TMEM74: variants seen among roughly 807,000 people sequenced by gnomAD.
The protein encoded by TMEM74 is transmembrane protein 74.
Under a neutral mutation model 18.1 loss-of-function variants are expected in TMEM74, and 13 were observed. The ratio of observed to expected loss-of-function variants is 0.72; its 90% CI spans 0.47 to 1.14. The LOEUF (loss-of-function observed/expected upper bound fraction) is 1.14, where lower values mean the gene tolerates loss of function less well. TMEM74 is among the 50% of genes most tolerant of loss of function. The pLI, the probability that TMEM74 is intolerant of heterozygous loss-of-function variation, is 0.00. For synonymous variants in TMEM74, 159 were observed against 146.6 expected (o/e 1.08, Z -0.61); for missense variants, 372 against 375.9 (o/e 0.99, Z 0.09).
intron 1 of TMEM74, among the ~76,000 whole-genome samples, chr8:108,760,501 T>C (rs951588329): frequency 6.6e-6 from 1 of 152,056 alleles, no homozygotes; most frequent in Non-Finnish European, 1.5e-5. Context: ...ATGCATCTAT[T>C]GGCAGGAGTG....
intron 1 of TMEM74, among the ~76,000 whole-genome samples, chr8:108,718,634 GAC>G (rs1395111210): frequency 6.6e-6 from 1 of 152,154 alleles, no homozygotes; most frequent in Non-Finnish European, 1.5e-5. Context: ...ATGTGGGTGG[GAC>G]CTGAGTCCTG....
At chr8:108,718,819 T>C (rs1813555694) in intron 1 of TMEM74, among the ~76,000 whole-genome samples, 1 of 152,156 alleles carries the variant, frequency 6.6e-6, no homozygotes, top group Admixed American at 6.5e-5. Flanking sequence ...TAGTTTCTAT[T>C]CTTATTTACA....
chr8:108,689,702 G>T (rs565139252), intron 1 of TMEM74, among the ~76,000 whole-genome samples: 1 of 152,138 alleles, frequency 6.6e-6, no homozygotes, highest in African/African-American at 2.4e-5. Flanking sequence ...CCATTTGTGC[G>T]ACCAACACAT....
intron 1 of TMEM74, among the ~76,000 whole-genome samples, chr8:108,771,688 G>A (rs1479434546): frequency 6.6e-6 from 1 of 152,036 alleles, no homozygotes; most frequent in Non-Finnish European, 1.5e-5. Flanking sequence ...CCAGTTTATG[G>A]GCCTACACCA....
At chr8:108,720,581 T>C (rs1293942893) in intron 1 of TMEM74, among the ~76,000 whole-genome samples, 1 of 152,140 alleles carries the variant, frequency 6.6e-6, no homozygotes, top group African/African-American at 2.4e-5. Flanking sequence ...TCAAACAAAT[T>C]AGGTAGTCTA....
chr8:108,719,837 T>C (rs1813568654), intron 1 of TMEM74, among the ~76,000 whole-genome samples: 1 of 152,188 alleles, frequency 6.6e-6, no homozygotes. Flanking sequence ...TTTTGATCCA[T>C]ATTGCAAAAT....
At chr8:108,660,213 G>A (rs890423111) in intron 1 of TMEM74, among the ~76,000 whole-genome samples, 9 of 152,204 alleles carry the variant, frequency 5.9e-5, no homozygotes, top group Admixed American at 5.2e-4. Context: ...ATCAAAGACT[G>A]GCAATTCTTT....
At chr8:108,650,231 A>G (rs1812760266) in intron 2 of TMEM74, among the ~76,000 whole-genome samples, 1 of 152,170 alleles carries the variant, frequency 6.6e-6, no homozygotes. Flanking sequence ...TCTTTAGGCT[A>G]CACACTTTGG....
At chr8:108,742,943 A>C (rs552171279) in intron 1 of TMEM74, among the ~76,000 whole-genome samples, 2 of 152,364 alleles carry the variant, frequency 1.3e-5, no homozygotes, top group East Asian at 1.9e-4. Context: ...AAAGCCGTAA[A>C]TCAATAGAGA....
chr8:108,651,292 T>C (rs1812772370), intron 2 of TMEM74, among the ~76,000 whole-genome samples: 1 of 152,186 alleles, frequency 6.6e-6, no homozygotes, highest in African/African-American at 2.4e-5. Context: ...TAAAGAACTT[T>C]GTTTACATGC....
intron 1 of TMEM74, among the ~76,000 whole-genome samples, chr8:108,660,310 G>A (rs1400025467): frequency 6.6e-6 from 1 of 152,104 alleles, no homozygotes; most frequent in Non-Finnish European, 1.5e-5. Flanking sequence ...TCCTTGGCAG[G>A]CCTATCTTAA....
chr8:108,703,561 T>G (rs1443188939), intron 1 of TMEM74, among the ~76,000 whole-genome samples: 1 of 152,190 alleles, frequency 6.6e-6, no homozygotes, highest in Non-Finnish European at 1.5e-5. Context: ...AGAACTGCAT[T>G]AGGGTCATAG....
At chr8:108,763,856 C>T (rs1814072225) in intron 1 of TMEM74, among the ~76,000 whole-genome samples, 1 of 152,142 alleles carries the variant, frequency 6.6e-6, no homozygotes, top group African/African-American at 2.4e-5. Flanking sequence ...AAAAATTCTT[C>T]CAACTTTTAA....
Position 108,783,463 on chromosome 8 carries a change from A to G in TMEM74, c.*718T>C, listed in dbSNP as rs558005530. ...TCAGTAACTAATTTGACTTCATTTT[A>G]AAAAAGAGCCTGTGACCCTGGCTAA... On this transcript the variant is annotated 3_prime_UTR_variant, in exon 2 of 2. Transcript: ENST00000297459. The G allele has an allele frequency of 1.3e-5, 2 of 152,338 alleles. No homozygotes were observed. Among genetic ancestry groups the G allele is most frequent in the East Asian group, 3.9e-4 (2 of 5,190 alleles). 9.4% of individuals were successfully genotyped at this position (152,338 alleles called of 1,614,324 possible). A position where few individuals can be genotyped will look rare whatever the true frequency, so the allele number is the denominator to read the frequency against.
chr8:108,664,356 T>C (rs1376698275), intron 1 of TMEM74, among the ~76,000 whole-genome samples: 1 of 152,146 alleles, frequency 6.6e-6, no homozygotes, highest in African/African-American at 2.4e-5. Context: ...TGGTTAGCTG[T>C]ATTTCTAAAT....
chr8:108,709,674 TTAAG>T (rs1813455725), intron 1 of TMEM74, among the ~76,000 whole-genome samples: 1 of 152,120 alleles, frequency 6.6e-6, no homozygotes, highest in Non-Finnish European at 1.5e-5. Flanking sequence ...GAATCTCATA[TTAAG>T]TGTTTTTACT....
chr8:108,726,447 A>C (rs1465535143), intron 1 of TMEM74, among the ~76,000 whole-genome samples: 2 of 152,218 alleles, frequency 1.3e-5, no homozygotes, highest in African/African-American at 4.8e-5. Flanking sequence ...TACATTTTGT[A>C]GATAGAAGAA....
chr8:108,784,470 G>A lies in TMEM74; in HGVS notation c.629C>T (p.Ala210Val). 3 of 1,614,176 alleles carry A rather than the reference G, an allele frequency of 1.9e-6. No homozygotes were observed. The highest frequency in any genetic ancestry group is 2.5e-6 in the Non-Finnish European group (3 of 1,180,036). Residue 210 changes from alanine to valine, a missense_variant, in exon 2 of 2, where the codon GCA becomes GTA. Coordinates refer to ENST00000297459, the MANE Select transcript of TMEM74 (RefSeq NM_153015.3). Reference protein sequence around the residue: ...REVTVDPNTVAAREMERLEKE... With the variant: ...REVTVDPNTVVAREMERLEKE... ...CTCCAGGCGCTCCATCTCCCGGGCT[G>A]CCACAGTGTTGGGGTCCACAGTCAC...
At chr8:108,740,650 T>C (rs1457311151) in intron 1 of TMEM74, among the ~76,000 whole-genome samples, 1 of 152,210 alleles carries the variant, frequency 6.6e-6, no homozygotes, top group African/African-American at 2.4e-5. Flanking sequence ...ATTTTCACAA[T>C]ATTTGAAACT....
Sources: allele counts gnomAD v4.1 joint callset (sites outside exome capture counted in the v4.1 genomes callset), GRCh38; gene constraint gnomAD v4.1.1; transcripts MANE v1.5; gene names NCBI Gene and HGNC (gene_info 2026-07-23, HGNC 2026-07-21).